The following BIN3 variants were observed in gnomAD, a reference collection of about 807,000 sequenced individuals.
BIN3 encodes bridging integrator 3.
BIN3 carries 41 observed loss-of-function variants against 38.2 expected under a neutral mutation model. That is an observed-to-expected ratio of 1.07 (90% CI 0.84 to 1.39). The LOEUF (loss-of-function observed/expected upper bound fraction) is 1.39, where lower values mean the gene tolerates loss of function less well. Among genes scored for constraint, BIN3 ranks in the 40% most tolerant of loss-of-function variants. The pLI is 0.00. For synonymous variants in BIN3, 145 were observed against 122.6 expected, an observed-to-expected ratio of 1.18 and a Z score of -1.21; for missense variants, 361 against 324.3, an observed-to-expected ratio of 1.11 and a Z score of -0.87.
intron 6 of BIN3, among the ~76,000 whole-genome samples, chr8:22,627,182 C>T (rs972146094): frequency 3.3e-5 from 5 of 152,152 alleles, no homozygotes; most frequent in African/African-American, 7.2e-5. Flanking sequence ...ATTACAACCA[C>T]GGTGGGGGGA....
intron 1 of BIN3, among the ~76,000 whole-genome samples, chr8:22,657,381 A>C (rs1210376167): frequency 6.6e-6 from 1 of 152,250 alleles, no homozygotes; most frequent in East Asian, 1.9e-4. Context: ...AAAAAACCCC[A>C]AAAACCTAAA....
intron 1 of BIN3, among the ~76,000 whole-genome samples, chr8:22,660,756 C>G (rs1424276771): frequency 1.3e-5 from 2 of 152,208 alleles, no homozygotes; most frequent in African/African-American, 4.8e-5. Context: ...ATGTATCCAC[C>G]ACTTGGCTTT....
intron 6 of BIN3, chr8:22,625,230 G>C: frequency 2.9e-6 from 2 of 687,570 alleles, no homozygotes; most frequent in Non-Finnish European, 2.7e-6. Flanking sequence ...TAGTGACCAG[G>C]AGCAGTGCTC....
chr8:22,624,091 G>A (rs762891626), intron 7 of BIN3, 42 bp from the exon 8 acceptor site: 23 of 1,604,782 alleles, frequency 1.4e-5, no homozygotes, highest in Non-Finnish European at 1.7e-5. Context: ...CTCACTGCTG[G>A]GTGCCGGATA....
At chr8:22,625,323 G>A in intron 6 of BIN3, 1 of 702,530 alleles carries the variant, frequency 1.4e-6, no homozygotes. Context: ...CCAGAGCCCT[G>A]CAGTGTCCAG....
At chr8:22,628,689 C>G (rs1400658196) in intron 6 of BIN3, among the ~76,000 whole-genome samples, 1 of 152,224 alleles carries the variant, frequency 6.6e-6, no homozygotes, top group Non-Finnish European at 1.5e-5. Flanking sequence ...CTCTGAGTCC[C>G]TGCCTCATTC....
chr8:22,634,728 G>C (rs1802315150), intron 4 of BIN3, among the ~76,000 whole-genome samples: 1 of 152,220 alleles, frequency 6.6e-6, no homozygotes, highest in South Asian at 2.1e-4. Flanking sequence ...GCCAAGCAAA[G>C]AGTGGATGGG....
chr8:22,634,642 T>C, intron 4 of BIN3: 1 of 421,198 alleles, frequency 2.4e-6, no homozygotes, highest in South Asian at 1.7e-5. Flanking sequence ...CACCCGTAGG[T>C]GCCCACTGCC....
intron 1 of BIN3, among the ~76,000 whole-genome samples, chr8:22,653,199 T>C (rs1336136963): frequency 6.6e-6 from 1 of 152,256 alleles, no homozygotes; most frequent in Admixed American, 6.5e-5. Context: ...GTTATCTTTG[T>C]TATGTTTTTC....
At chr8:22,630,151 A>AGG in intron 5 of BIN3, 147 bp from the exon 6 acceptor site, 1 of 1,021,130 alleles carries the variant, frequency 9.8e-7, no homozygotes, top group Non-Finnish European at 1.5e-6. Flanking sequence ...CTCAGGGTGG[A>AGG]GGCCGGGTGG....
At position 22,636,586 on chromosome 8, in the gene BIN3, C is replaced by G; in HGVS notation, c.99G>C (p.Gln33His). 1 of 1,552,036 alleles carries G rather than the reference C, an allele frequency of 6.4e-7. No homozygotes were observed. The highest frequency in any genetic ancestry group is 8.7e-7 in the Non-Finnish European group (1 of 1,147,340). ...DFEREYGKLQ[Q>H]LEEQTRRLQK... is the part of the protein sequence containing the mutation. ...GCAGCCTCCGGGTCTGCTCTTCCAGCCTGCAAGGCAGGGGACGGGCTGCTT... is the reference window on the plus strand; with the variant it reads ...GCAGCCTCCGGGTCTGCTCTTCCAGGCTGCAAGGCAGGGGACGGGCTGCTT... Residue 33 changes from glutamine to histidine, a missense_variant and splice_region_variant, in exon 4 of 9, where the codon CAG (glutamine) becomes CAC (histidine). Transcript: ENST00000276416.
intron 2 of BIN3, 200 bp downstream of exon 2, chr8:22,644,555 C>A: frequency 3.6e-6 from 2 of 562,782 alleles, no homozygotes; most frequent in South Asian, 3.9e-5. Context: ...CCAGGCTAAC[C>A]TTTCCTAGGG....
intron 2 of BIN3, among the ~76,000 whole-genome samples, chr8:22,642,583 T>A (rs1431717604): frequency 6.6e-6 from 1 of 152,222 alleles, no homozygotes; most frequent in Non-Finnish European, 1.5e-5. Flanking sequence ...CAGCTTCCTG[T>A]GATGTAGTTA....
intron 6 of BIN3, 109 bp downstream of exon 6, chr8:22,629,855 C>G: frequency 1.8e-6 from 2 of 1,113,380 alleles, no homozygotes; most frequent in Non-Finnish European, 2.7e-6. Context: ...CCCGTCAGGC[C>G]CCATGGGAAT....
intron 1 of BIN3, among the ~76,000 whole-genome samples, chr8:22,650,409 G>A (rs941168639): frequency 6.6e-6 from 1 of 152,184 alleles, no homozygotes; most frequent in African/African-American, 2.4e-5. Flanking sequence ...TGATTAGTGT[G>A]AAATCAAATC....
chr8:22,636,548 TTCA>T lies in BIN3; in HGVS notation c.134_136del (p.Met45del), dbSNP rs1563958229. On this transcript the variant is annotated inframe_deletion, in exon 4 of 9. Coordinates refer to ENST00000276416, the MANE Select transcript of BIN3 (RefSeq NM_018688.6). ...ACCCAGGTCTGCGTCGGTGCTCTTC[TTCA>T]TGTCTTTCTGCAGCCTCCGGGTCTG... The T allele has an allele frequency of 6.4e-7, 1 of 1,552,896 alleles. No individual in the cohort carries two copies. The highest frequency in any genetic ancestry group is 1.2e-5 in the South Asian group (1 of 84,126).
At chr8:22,665,143 T>C (rs1276408514) in intron 1 of BIN3, among the ~76,000 whole-genome samples, 2 of 151,974 alleles carry the variant, frequency 1.3e-5, no homozygotes, top group African/African-American at 4.8e-5. Flanking sequence ...GCAAAGCACT[T>C]TGGAGTGGAG....
chr8:22,636,705 T>C (rs1585186623), intron 3 of BIN3, 119 bp from the exon 4 acceptor site: 1 of 1,171,538 alleles, frequency 8.5e-7, no homozygotes, highest in Non-Finnish European at 1.2e-6. Context: ...CACGGGGACT[T>C]TTCCCGCTGA....
chr8:22,630,824 C>T (rs1802171301), intron 4 of BIN3, among the ~76,000 whole-genome samples: 2 of 152,136 alleles, frequency 1.3e-5, no homozygotes, highest in Admixed American at 1.3e-4. Context: ...TCTCCAAACC[C>T]TGGGTTAGAA....
Sources: gnomAD v4.1 joint callset for allele counts (sites outside exome capture counted in the v4.1 genomes callset) on GRCh38, gnomAD v4.1.1 for gene constraint, MANE v1.5 for transcripts, NCBI Gene and HGNC (gene_info 2026-07-23, HGNC 2026-07-21) for gene names.